SGIP1: variants seen among roughly 807,000 people sequenced by gnomAD.
SGIP1 encodes SH3GL interacting endocytic adaptor 1.
A neutral mutation model predicts 107.5 loss-of-function variants in SGIP1; 38 were observed. The ratio of observed to expected loss-of-function variants is 0.35; its 90% CI spans 0.27 to 0.46. The LOEUF is 0.46. Among genes scored for constraint, SGIP1 ranks in the 20% least tolerant of loss-of-function variants. The probability of loss-of-function intolerance (pLI) is 1.00; values close to 1 mark genes in which losing one functional copy is unlikely to be tolerated. For missense variants in SGIP1, 929 were observed against 1,019.5 expected, an observed-to-expected ratio of 0.91 and a Z score of 1.21; for synonymous variants, 365 against 366.1, an observed-to-expected ratio of 1.00 and a Z score of 0.03.
chr1:66,548,700 C>A (rs1221910648), intron 1 of SGIP1, among the ~76,000 whole-genome samples: 1 of 152,092 alleles, frequency 6.6e-6, no homozygotes, highest in Non-Finnish European at 1.5e-5. Context: ...CTTAAGAGAT[C>A]TTACTGTTGA....
intron 19 of SGIP1, among the ~76,000 whole-genome samples, chr1:66,725,514 G>A (rs1372050214): frequency 6.6e-6 from 1 of 152,282 alleles, no homozygotes; most frequent in East Asian, 1.9e-4. Context: ...GACATTGGAG[G>A]AAATCATAAA....
rs1245590609 is a variant in SGIP1, at chr1:66,744,428, G to A, written c.*1333G>A. ...ACAAACTTCTTCGGGAGTCTCAGTT[G>A]TAAAACCTTCCCTCATTAATATCTG... On this transcript the variant is annotated 3_prime_UTR_variant, in exon 25 of 25. Coordinates refer to ENST00000371037, the MANE Select transcript of SGIP1 (RefSeq NM_032291.4). The A allele has an allele frequency of 2.0e-5, 3 of 152,072 alleles. No individual in the cohort carries two copies. The highest frequency in any genetic ancestry group is 7.2e-5 in the African/African-American group (3 of 41,432). The allele number at this position is 152,072 out of a possible 1,614,324, so 9.4% of individuals were successfully genotyped here.
At chr1:66,601,350 G>A (rs2065783046) in intron 1 of SGIP1, among the ~76,000 whole-genome samples, 1 of 152,176 alleles carries the variant, frequency 6.6e-6, no homozygotes, top group Admixed American at 6.5e-5. Context: ...GGGCGACACA[G>A]AGAGACTCCG....
At chr1:66,725,364 C>A (rs2093705965) in intron 19 of SGIP1, among the ~76,000 whole-genome samples, 1 of 152,224 alleles carries the variant, frequency 6.6e-6, no homozygotes, top group African/African-American at 2.4e-5. Context: ...ATTAGAGTTA[C>A]ACAATATCCA....
At chr1:66,696,927 G>A (rs1265858302) in intron 18 of SGIP1, among the ~76,000 whole-genome samples, 1 of 152,150 alleles carries the variant, frequency 6.6e-6, no homozygotes. Context: ...TGCATAAGTT[G>A]GTAATCCTGA....
At chr1:66,539,125 T>G (rs2054290754) in intron 1 of SGIP1, among the ~76,000 whole-genome samples, 1 of 152,216 alleles carries the variant, frequency 6.6e-6, no homozygotes, top group Non-Finnish European at 1.5e-5. Context: ...TTTGCTGAGA[T>G]AATTCTAAAG....
chr1:66,539,820 T>TAC, intron 1 of SGIP1, among the ~76,000 whole-genome samples: 1 of 151,982 alleles, frequency 6.6e-6, no homozygotes, highest in East Asian at 1.9e-4. Context: ...CTCAAACATA[T>TAC]ATCCTGGGCT....
At chr1:66,623,335 T>A (rs1209558437) in intron 1 of SGIP1, among the ~76,000 whole-genome samples, 2 of 152,094 alleles carry the variant, frequency 1.3e-5, no homozygotes, top group African/African-American at 4.8e-5. Flanking sequence ...CTACAACCTC[T>A]GCCTCCCAGA....
At chr1:66,674,236 A>G (rs1011752650) in intron 12 of SGIP1, among the ~76,000 whole-genome samples, 1 of 152,152 alleles carries the variant, frequency 6.6e-6, no homozygotes, top group South Asian at 2.1e-4. Flanking sequence ...TTTTGAGTTT[A>G]CTTATTAAAT....
intron 1 of SGIP1, among the ~76,000 whole-genome samples, chr1:66,611,984 G>T (rs1293051545): frequency 6.6e-6 from 1 of 152,130 alleles, no homozygotes; most frequent in Admixed American, 6.5e-5. Context: ...TAGTCCACTT[G>T]TGTTGCTATA....
intron 1 of SGIP1, among the ~76,000 whole-genome samples, chr1:66,625,450 C>G (rs1050293758): frequency 2.6e-5 from 4 of 152,218 alleles, no homozygotes; most frequent in Non-Finnish European, 4.4e-5. Flanking sequence ...GCCACATGAT[C>G]CATGTCTTGG....
Position 66,598,228 on chromosome 1 carries a change from T to C in SGIP1, c.11-27619T>C, listed in dbSNP as rs17488431. Among the ~76,000 whole-genome samples, 1,453 of 152,272 alleles carry C rather than the reference T, an allele frequency of 9.5e-3. 11 individuals are homozygous for C. The highest frequency in any genetic ancestry group is 0.015 in the Admixed American group (230 of 15,296). ...ATTTATTTTCTTTACATGTACTCTA[T>C]CCAGACTAGTATAAGGAAAGCAATA... On this transcript the variant is annotated intron_variant, in intron 1 of 24. Transcript: ENST00000371037.
At chr1:66,583,287 T>C (rs2062065947) in intron 1 of SGIP1, among the ~76,000 whole-genome samples, 1 of 152,078 alleles carries the variant, frequency 6.6e-6, no homozygotes, top group African/African-American at 2.4e-5. Context: ...TCTAAAATAT[T>C]CTCAAAGTGT....
At chr1:66,574,560 G>T (rs1159851) in intron 1 of SGIP1, among the ~76,000 whole-genome samples, 26,142 of 152,182 alleles carry the variant, frequency 0.17, 2,678 homozygotes, top group East Asian at 0.45. Flanking sequence ...AGGGAAAGGA[G>T]AATATGCTTT....
chr1:66,613,171 G>T (rs1184165119), intron 1 of SGIP1, among the ~76,000 whole-genome samples: 2 of 152,142 alleles, frequency 1.3e-5, no homozygotes, highest in East Asian at 3.8e-4. Context: ...AAGTATTATA[G>T]AAATTAATTA....
intron 1 of SGIP1, among the ~76,000 whole-genome samples, chr1:66,542,385 C>T (rs934994316): frequency 6.6e-6 from 1 of 152,036 alleles, no homozygotes; most frequent in Non-Finnish European, 1.5e-5. Flanking sequence ...CAGTATGCAC[C>T]TCTCTTCTGA....
chr1:66,743,233 T>A lies in SGIP1; in HGVS notation c.*138T>A, dbSNP rs2094510181. 1 of 768,952 alleles carries A rather than the reference T, an allele frequency of 1.3e-6. No homozygotes were observed. Among genetic ancestry groups the A allele is most frequent in the Non-Finnish European group, 2.1e-6 (1 of 466,782 alleles). The allele number at this position is 768,952 out of a possible 1,614,324, so 47.6% of individuals were successfully genotyped here. On this transcript the variant is annotated 3_prime_UTR_variant, in exon 25 of 25. Transcript: ENST00000371037. ...TCAGGTGGAAAGTCAATGACTTTCATCTGTGATTTCCCTCACACACTACCA... is the reference window on the plus strand; with the variant it reads ...TCAGGTGGAAAGTCAATGACTTTCAACTGTGATTTCCCTCACACACTACCA...
intron 2 of SGIP1, among the ~76,000 whole-genome samples, chr1:66,626,797 G>T (rs1159203273): frequency 6.6e-6 from 1 of 152,126 alleles, no homozygotes; most frequent in Non-Finnish European, 1.5e-5. Flanking sequence ...CTGTACGTCA[G>T]AATCAAGCCC....
chr1:66,696,459 A>C (rs2090941338), intron 18 of SGIP1, among the ~76,000 whole-genome samples: 1 of 152,218 alleles, frequency 6.6e-6, no homozygotes, highest in Non-Finnish European at 1.5e-5. Context: ...TCATGGCAAC[A>C]AAATAGAATT....
Sources: allele counts gnomAD v4.1 joint callset (sites outside exome capture counted in the v4.1 genomes callset), GRCh38; gene constraint gnomAD v4.1.1; transcripts MANE v1.5; gene names NCBI Gene and HGNC (gene_info 2026-07-23, HGNC 2026-07-21).